Variants in ADCY9 observed in about 807,000 individuals in gnomAD.
ADCY9 encodes adenylate cyclase type 9.
In ADCY9, 50 loss-of-function variants were observed where a neutral mutation model predicts 101.5. The ratio of observed to expected loss-of-function variants is 0.49; its 90% CI spans 0.39 to 0.62. The LOEUF (loss-of-function observed/expected upper bound fraction) is 0.62, where lower values mean the gene tolerates loss of function less well. Among genes scored for constraint, ADCY9 ranks in the 20% least tolerant of loss-of-function variants. The pLI is 0.00. For missense variants in ADCY9, 1,662 were observed against 1,800.4 expected (o/e 0.92, Z 1.39); for synonymous variants, 905 against 769.3 (o/e 1.18, Z -2.92).
chr16:4,096,371 A>G lies in ADCY9; in HGVS notation c.1693+17379T>C, dbSNP rs141139271. Among the ~76,000 whole-genome samples the G allele has an allele frequency of 6.1e-3, 924 of 152,380 alleles. 10 individuals are homozygous for G. Among genetic ancestry groups the G allele is most frequent in the African/African-American group, 0.021 (880 of 41,586 alleles). ...TATATTTTACCAATATGAAAAAAGCAGAACCAGAGAGATTAAATTATTTGC... is the reference window on the plus strand; with the variant it reads ...TATATTTTACCAATATGAAAAAAGCGGAACCAGAGAGATTAAATTATTTGC... On this transcript the variant is annotated intron_variant, in intron 2 of 10. Transcript: ENST00000294016.
intron 2 of ADCY9, among the ~76,000 whole-genome samples, chr16:4,032,387 A>G (rs1174263823): frequency 6.6e-6 from 1 of 152,130 alleles, no homozygotes; most frequent in Non-Finnish European, 1.5e-5. Flanking sequence ...GGTGGAGGGC[A>G]GGACGGCTGC....
chr16:4,021,429 T>C (rs1042260791), intron 2 of ADCY9, among the ~76,000 whole-genome samples: 6 of 152,218 alleles, frequency 3.9e-5, no homozygotes, highest in Admixed American at 6.5e-5. Flanking sequence ...ATCTCCACTT[T>C]CTACCAGCCT....
chr16:3,990,162 T>C (rs1203715139), intron 5 of ADCY9, among the ~76,000 whole-genome samples: 5 of 152,186 alleles, frequency 3.3e-5, no homozygotes, highest in Non-Finnish European at 7.3e-5. Flanking sequence ...ATACAGTGAC[T>C]ATCAGAAGTA....
At chr16:4,110,065 G>T (rs1226432471) in intron 2 of ADCY9, among the ~76,000 whole-genome samples, 1 of 152,174 alleles carries the variant, frequency 6.6e-6, no homozygotes, top group African/African-American at 2.4e-5. Flanking sequence ...TCAGGACCCA[G>T]CTCCAGCAGG....
chr16:4,045,569 T>C (rs1043397193), intron 2 of ADCY9, among the ~76,000 whole-genome samples: 4 of 115,666 alleles, frequency 3.5e-5, no homozygotes, highest in African/African-American at 1.3e-4. Flanking sequence ...CACTCCAGCC[T>C]GGGCAACAGA....
At chr16:4,063,034 AAATAG>A (rs1186985472) in intron 2 of ADCY9, among the ~76,000 whole-genome samples, 1 of 152,234 alleles carries the variant, frequency 6.6e-6, no homozygotes, top group Non-Finnish European at 1.5e-5. Context: ...AAGCAACAAC[AAATAG>A]AATATATATT....
At chr16:4,073,685 T>C (rs1397666874) in intron 2 of ADCY9, among the ~76,000 whole-genome samples, 3 of 152,144 alleles carry the variant, frequency 2.0e-5, no homozygotes, top group Non-Finnish European at 1.5e-5. Context: ...GCATGAGCCA[T>C]TGTGCCCGGC....
chr16:4,066,664 T>C (rs1037468908), intron 2 of ADCY9, among the ~76,000 whole-genome samples: 3 of 152,154 alleles, frequency 2.0e-5, no homozygotes, highest in African/African-American at 7.2e-5. Flanking sequence ...GAATTATAAG[T>C]GTGAGCCACA....
At chr16:4,043,017 G>C (rs1260183773) in intron 2 of ADCY9, among the ~76,000 whole-genome samples, 1 of 151,730 alleles carries the variant, frequency 6.6e-6, no homozygotes, top group Non-Finnish European at 1.5e-5. Flanking sequence ...AGATCACGAG[G>C]TCAGGAGATC....
At chr16:4,087,687 C>T (rs1036995655) in intron 2 of ADCY9, among the ~76,000 whole-genome samples, 5 of 152,018 alleles carry the variant, frequency 3.3e-5, no homozygotes, top group Non-Finnish European at 4.4e-5. Context: ...AGATCCTTTG[C>T]TCAGATACTA....
chr16:4,012,651 G>A (rs944481616), intron 2 of ADCY9, among the ~76,000 whole-genome samples: 3 of 152,116 alleles, frequency 2.0e-5, no homozygotes, highest in South Asian at 4.1e-4. Context: ...TTTCCTAATG[G>A]GCTCCTGTCT....
intron 2 of ADCY9, among the ~76,000 whole-genome samples, chr16:4,033,608 G>A (rs186739244): frequency 5.0e-4 from 76 of 151,992 alleles, no homozygotes; most frequent in Non-Finnish European, 8.5e-4. Flanking sequence ...GTAGAGATAG[G>A]GTTTCACCAT....
Position 3,966,692 on chromosome 16 carries a change from T to C in ADCY9, c.3145A>G (p.Thr1049Ala). Residue 1049 changes from threonine (T) to alanine (A), a missense_variant, in exon 11 of 11, where the codon ACC becomes GCC. Transcript: ENST00000294016. Reference sequence around the variant, plus strand: ...CCGCTGTCATGGTTCTTGGAGTAGGTCTGGGACACCTTCAGCTGCTCAGCC... The same window carrying C: ...CCGCTGTCATGGTTCTTGGAGTAGGCCTGGGACACCTTCAGCTGCTCAGCC... ...HVAEQLKVSQTYSKNHDSGGV... is the reference protein window; with the variant it reads ...HVAEQLKVSQAYSKNHDSGGV... 6.2e-7 allele frequency: 1 copy of C among 1,614,076 alleles called. No homozygotes were observed. Among genetic ancestry groups the C allele is most frequent in the Non-Finnish European group, 8.5e-7 (1 of 1,179,988 alleles).
rs900818550 is a variant in ADCY9 at position 3,979,262 on chromosome 16, G to C, written c.2533C>G (p.Leu845Val). ...LAVSIRMVFF[L>V]EDVMACTKRL... is the part of the protein sequence containing the mutation. ...TTGGTGCAGGCCATGACGTCCTCCAGGAAGAACACCATCCTGCGAGAGGCA... is the reference window on the plus strand; with the variant it reads ...TTGGTGCAGGCCATGACGTCCTCCACGAAGAACACCATCCTGCGAGAGGCA... Residue 845 changes from leucine to valine, a missense_variant, in exon 8 of 11, where the codon CTG (leucine) becomes GTG (valine). Leu to Val is a conservative substitution (Grantham distance 32, BLOSUM62 1). This residue lies in a region of ADCY9 where 624 missense variants were observed against 639.1 expected (regional missense o/e 0.98). Coordinates refer to ENST00000294016, the MANE Select transcript of ADCY9 (RefSeq NM_001116.4). The C allele has an allele frequency of 5.0e-6, 8 of 1,613,752 alleles. No individual in the cohort carries two copies. In the African/African-American group the frequency reaches 1.1e-4, roughly 22 times the overall value.
At chr16:4,019,264 G>A (rs1282949423) in intron 2 of ADCY9, among the ~76,000 whole-genome samples, 1 of 152,134 alleles carries the variant, frequency 6.6e-6, no homozygotes, top group East Asian at 1.9e-4. Context: ...TTACAGGCAT[G>A]AACCACCATG....
intron 6 of ADCY9, 119 bp from the exon 7 acceptor site, chr16:3,983,559 C>A: frequency 1.2e-6 from 1 of 829,692 alleles, no homozygotes; most frequent in Non-Finnish European, 1.9e-6. Context: ...AGGCACAGGG[C>A]AGGAAGGCTC....
At chr16:4,039,549 T>C (rs942906836) in intron 2 of ADCY9, among the ~76,000 whole-genome samples, 2 of 151,736 alleles carry the variant, frequency 1.3e-5, no homozygotes, top group African/African-American at 4.8e-5. Context: ...CACGGTGGCA[T>C]GTATCTGTAA....
intron 6 of ADCY9, among the ~76,000 whole-genome samples, chr16:3,988,361 G>A (rs1027178282): frequency 5.9e-5 from 9 of 151,812 alleles, no homozygotes; most frequent in Non-Finnish European, 1.2e-4. Flanking sequence ...GAGGGCAACA[G>A]AGAAGAGTCT....
Position 3,983,572 on chromosome 16 carries a change from G to A in ADCY9, c.2311-132C>T, listed in dbSNP as rs555187184. The A allele has an allele frequency of 4.7e-5, 35 of 748,108 alleles. 2 individuals are homozygous for A. Among genetic ancestry groups the A allele is most frequent in the Middle Eastern group, 3.8e-4 (1 of 2,630 alleles). The allele number at this position is 748,108 out of a possible 1,614,324, so 46.3% of individuals were successfully genotyped here. ...CCAGGCACAGGGCAGGAAGGCTCTC[G>A]GAGGGCTGTCTCCCTCTACTACCCC... is the stretch of plus-strand genomic sequence containing the variant. On this transcript the variant is annotated intron_variant, in intron 6 of 10. Transcript: ENST00000294016.
Sources: gnomAD v4.1 joint callset for allele counts (sites outside exome capture counted in the v4.1 genomes callset) on GRCh38, gnomAD v4.1.1 for gene constraint, gnomAD v4.1.1 regional missense constraint, MANE v1.5 for transcripts, NCBI Gene and HGNC (gene_info 2026-07-23, HGNC 2026-07-21) for gene names.